The following GSE1 variants were observed in gnomAD, a reference collection of about 807,000 sequenced individuals.
GSE1 encodes genetic suppressor element 1.
In GSE1, 32 loss-of-function variants were observed where a neutral mutation model predicts 112.6. The observed-to-expected ratio is 0.28, with a 90% CI of 0.21 to 0.38. The LOEUF is 0.38. Ranked by LOEUF, GSE1 falls within the 10% of genes least tolerant of loss-of-function variation. The pLI is 1.00. For synonymous variants in GSE1, 1,115 were observed against 735.6 expected, an observed-to-expected ratio of 1.52 and a Z score of -8.35; for missense variants, 2,348 against 1,699.2, an observed-to-expected ratio of 1.38 and a Z score of -6.71.
intron 2 of GSE1, among the ~76,000 whole-genome samples, chr16:85,445,372 C>A (rs1054208295): frequency 1.3e-5 from 2 of 152,206 alleles, no homozygotes; most frequent in African/African-American, 4.8e-5. Context: ...ACATGGGGGG[C>A]GGGAGAGGCT....
At chr16:85,259,689 A>G (rs141072843) in intron 1 of GSE1, among the ~76,000 whole-genome samples, 1 of 152,186 alleles carries the variant, frequency 6.6e-6, no homozygotes, top group Non-Finnish European at 1.5e-5. Context: ...GAGCAGTAAC[A>G]GTCCCGAGGG....
intron 2 of GSE1, among the ~76,000 whole-genome samples, chr16:85,520,829 C>T (rs2052158290): frequency 1.3e-5 from 2 of 152,166 alleles, no homozygotes; most frequent in African/African-American, 2.4e-5. Flanking sequence ...TTGTGGATCA[C>T]AATGGGGACC....
Position 85,656,355 on chromosome 16 carries a change from C to A in GSE1, c.1002C>A (p.Asp334Glu), listed in dbSNP as rs529768614. ...CCATGTGCTGCAGGCTGCAGATGGA[C>A]GAGGAGCTAAGGCGGGAGAGGGAGC... The part of the protein sequence containing the change: ...SGLSAERLQM[D>E]EELRRERERE... The change falls in exon 7 of 16, where the codon GAC becomes GAA. Residue 334 changes from aspartate to glutamate, a missense_variant. Coordinates refer to ENST00000253458, the MANE Select transcript of GSE1 (RefSeq NM_014615.5). 1.2e-6 allele frequency: 2 copies of A among 1,610,844 alleles called. No homozygotes were observed. The highest frequency in any genetic ancestry group is 1.7e-6 in the Non-Finnish European group (2 of 1,179,454).
At chr16:85,654,210 C>G (rs1044993971) in intron 3 of GSE1, 68 bp from the exon 4 acceptor site, 1 of 1,428,774 alleles carries the variant, frequency 7.0e-7, no homozygotes, top group Non-Finnish European at 9.5e-7. Context: ...GTCAGGAGAC[C>G]TGGCTGTGTC....
At chr16:85,568,223 C>A (rs2045840396) in intron 1 of GSE1, among the ~76,000 whole-genome samples, 1 of 152,238 alleles carries the variant, frequency 6.6e-6, no homozygotes, top group African/African-American at 2.4e-5. Flanking sequence ...CTTCCAGGGT[C>A]TGCTTCTGGA....
At chr16:85,491,051 C>T (rs1230239572) in intron 2 of GSE1, among the ~76,000 whole-genome samples, 1 of 152,208 alleles carries the variant, frequency 6.6e-6, no homozygotes, top group Non-Finnish European at 1.5e-5. Context: ...CCAAAGCCCT[C>T]CTTGAGGTAG....
At chr16:85,645,431 C>T (rs1389866534) in intron 2 of GSE1, among the ~76,000 whole-genome samples, 1 of 152,096 alleles carries the variant, frequency 6.6e-6, no homozygotes, top group Non-Finnish European at 1.5e-5. Context: ...GCACACAAGC[C>T]CAGGAAACCA....
chr16:85,342,735 T>C (rs1299349700), intron 1 of GSE1, among the ~76,000 whole-genome samples: 1 of 152,104 alleles, frequency 6.6e-6, no homozygotes, highest in Non-Finnish European at 1.5e-5. Flanking sequence ...GGATTAGCTG[T>C]TCATAGCCAC....
At chr16:85,518,022 A>G (rs897686315) in intron 2 of GSE1, among the ~76,000 whole-genome samples, 5 of 152,108 alleles carry the variant, frequency 3.3e-5, no homozygotes, top group South Asian at 2.1e-4. Context: ...TGCCGGCCCC[A>G]AGCCGGGCAC....
intron 2 of GSE1, among the ~76,000 whole-genome samples, chr16:85,515,180 A>G (rs781038932): frequency 3.9e-4 from 59 of 152,188 alleles, no homozygotes; most frequent in African/African-American, 1.1e-3. Context: ...ATGTTTCCCA[A>G]TCGGCATTCC....
intron 2 of GSE1, among the ~76,000 whole-genome samples, chr16:85,368,198 T>C (rs1204521478): frequency 6.6e-6 from 1 of 152,106 alleles, no homozygotes; most frequent in Non-Finnish European, 1.5e-5. Context: ...GTTTCCTGGG[T>C]CAAGAGCTGA....
chr16:85,519,577 C>CACTTTT (rs1240577966), intron 2 of GSE1, among the ~76,000 whole-genome samples: 3 of 133,258 alleles, frequency 2.3e-5, no homozygotes, highest in Admixed American at 7.3e-5. Flanking sequence ...TCACCATCAC[C>CACTTTT]AGTCTCCATC....
rs1446889150 is a variant in GSE1, at chr16:85,170,745, C to T, written c.1221C>T (p.Pro407=). 6 of 985,448 alleles carry T rather than the reference C, an allele frequency of 6.1e-6. No individual in the cohort carries two copies. In the Admixed American group the frequency reaches 3.7e-4, roughly 61 times the overall value. The allele number at this position is 985,448 out of a possible 1,614,324, so 61.0% of individuals were successfully genotyped here. ...CCTTCCTGTGGCTGCACAGCCCGCC[C>T]CCAGGGGCACAGCCCATCAGCGAGG... Residue 407 remains proline (P), a synonymous_variant, in exon 1 of 3, where the codon CCC becomes CCT. Transcript: ENST00000637419.
At chr16:85,308,390 C>T (rs929580996) in intron 1 of GSE1, among the ~76,000 whole-genome samples, 3 of 152,182 alleles carry the variant, frequency 2.0e-5, no homozygotes, top group Non-Finnish European at 2.9e-5. Flanking sequence ...TGGATCAAAA[C>T]AGAGAAGCTT....
At chr16:85,235,392 A>G in intron 1 of GSE1, among the ~76,000 whole-genome samples, 1 of 134,378 alleles carries the variant, frequency 7.4e-6, no homozygotes, top group Non-Finnish European at 1.6e-5. Flanking sequence ...TCCAGACCGC[A>G]GCGGGGGGTG....
chr16:85,212,740 C>T (rs752944852), intron 1 of GSE1, among the ~76,000 whole-genome samples: 2 of 152,182 alleles, frequency 1.3e-5, no homozygotes, highest in South Asian at 2.1e-4. Flanking sequence ...GAGGGGTGTC[C>T]GCCCACTCGC....
At chr16:85,560,035 GTAA>G (rs938139126) in intron 1 of GSE1, among the ~76,000 whole-genome samples, 4 of 150,914 alleles carry the variant, frequency 2.7e-5, no homozygotes, top group Non-Finnish European at 4.4e-5. Context: ...AGTGATAACT[GTAA>G]TAATAATAAT....
intron 2 of GSE1, among the ~76,000 whole-genome samples, chr16:85,440,287 G>T (rs189496825): frequency 1.3e-5 from 2 of 152,374 alleles, no homozygotes; most frequent in East Asian, 3.9e-4. Flanking sequence ...ATTCAGAGAA[G>T]GACAGCTGCA....
At chr16:85,538,457 T>G (rs2044407313) in intron 2 of GSE1, among the ~76,000 whole-genome samples, 3 of 152,214 alleles carry the variant, frequency 2.0e-5, no homozygotes, top group South Asian at 4.1e-4. Context: ...ACAAATTCCC[T>G]TCAGTCCCCA....
Sources: allele counts gnomAD v4.1 joint callset (sites outside exome capture counted in the v4.1 genomes callset), GRCh38; gene constraint gnomAD v4.1.1; transcripts MANE v1.5; gene names NCBI Gene and HGNC (gene_info 2026-07-23, HGNC 2026-07-21).